The following ARFGAP2 variants were observed in gnomAD, a reference collection of about 807,000 sequenced individuals.
ARFGAP2 encodes the protein ADP-ribosylation factor GTPase-activating protein 2.
Under a neutral mutation model 71.9 loss-of-function variants are expected in ARFGAP2, and 45 were observed. The observed-to-expected ratio is 0.63, with a 90% CI of 0.49 to 0.80. ARFGAP2 has a LOEUF of 0.80. ARFGAP2 is among the 30% of genes least tolerant of loss of function. The pLI is 0.00. For missense variants in ARFGAP2, 633 were observed against 673.9 expected (o/e 0.94, Z 0.67); for synonymous variants, 248 against 249.2 (o/e 1.00, Z 0.05).
chr11:47,171,340 C>T, intron 10 of ARFGAP2, 86 bp downstream of exon 10: 3 of 1,570,558 alleles, frequency 1.9e-6, no homozygotes, highest in Non-Finnish European at 2.6e-6. Flanking sequence ...AACAATAAGC[C>T]TAGCATCCCA....
Position 47,165,219 on chromosome 11 carries a change from G to A in ARFGAP2, c.*263C>T. 1 of 398,150 alleles carries A rather than the reference G, an allele frequency of 2.5e-6. No individual in the cohort carries two copies. Among genetic ancestry groups the A allele is most frequent in the Non-Finnish European group, 4.4e-6 (1 of 226,110 alleles). The allele number at this position is 398,150 out of a possible 1,614,324, so 24.7% of individuals were successfully genotyped here. ...GCAGGATAAGTGAGCAGCAGCTGTGGGGGCAGGACAGAAGGACAAGAGTCT... is the reference window on the plus strand; with the variant it reads ...GCAGGATAAGTGAGCAGCAGCTGTGAGGGCAGGACAGAAGGACAAGAGTCT... On this transcript the variant is annotated 3_prime_UTR_variant, in exon 16 of 16. Coordinates refer to ENST00000524782, the MANE Select transcript of ARFGAP2 (RefSeq NM_032389.6).
intron 15 of ARFGAP2, among the ~76,000 whole-genome samples, chr11:47,165,860 C>T (rs1373124431): frequency 3.9e-5 from 6 of 151,942 alleles, no homozygotes; most frequent in African/African-American, 1.4e-4. Context: ...TCTCTAGACT[C>T]TTGCTTTTTC....
At chr11:47,176,472 C>A (rs369603428) in intron 2 of ARFGAP2, 44 bp downstream of exon 2, 35 of 1,584,052 alleles carry the variant, frequency 2.2e-5, no homozygotes, top group Non-Finnish European at 3.0e-5. Context: ...CCAGACACCC[C>A]TGGCCGGCCG....
intron 8 of ARFGAP2, 193 bp downstream of exon 8, chr11:47,172,088 C>A (rs1398422149): frequency 9.5e-6 from 7 of 736,856 alleles, no homozygotes; most frequent in Non-Finnish European, 1.6e-5. Context: ...ATCTCACCGA[C>A]TCCTCCCAGC....
In ARFGAP2 at chr11:47,166,301, A is replaced by G; in HGVS notation, c.1512T>C (p.Ala504=). 1 of 1,614,228 alleles carries G rather than the reference A, an allele frequency of 6.2e-7. No individual in the cohort carries two copies. Among genetic ancestry groups the G allele is most frequent in the South Asian group, 1.1e-5 (1 of 91,086 alleles). The change falls in exon 15 of 16, where the codon GCT becomes GCC. Residue 504 remains alanine, a synonymous_variant. Transcript: ENST00000524782. The stretch of plus-strand genomic sequence containing the variant: ...AATTCATCACACCATTGGCCAGCAC[A>G]GCCATTTTCCCAGCCACAGACTTGA... ...QGVKSVAGKM[A]VLANGVMNSL...
intron 10 of ARFGAP2, chr11:47,168,466 T>C (rs1952475690): frequency 3.7e-6 from 2 of 535,372 alleles, no homozygotes; most frequent in Admixed American, 6.8e-5. Flanking sequence ...CACATCAGCT[T>C]TGTTTATTCC....
At chr11:47,168,093 G>A (rs1172503195) in intron 11 of ARFGAP2, 30 bp downstream of exon 11, 17 of 1,614,054 alleles carry the variant, frequency 1.1e-5, no homozygotes, top group Non-Finnish European at 1.4e-5. Context: ...GAACACAGCA[G>A]CCAAGTTTAC....
intron 8 of ARFGAP2, 121 bp downstream of exon 8, chr11:47,172,160 C>A (rs930970483): frequency 7.9e-6 from 8 of 1,015,100 alleles, no homozygotes; most frequent in Non-Finnish European, 1.2e-5. Flanking sequence ...AGGCGAGGTT[C>A]GGAGAAACAC....
chr11:47,172,784 G>A (rs1952654776), intron 7 of ARFGAP2: 1 of 1,291,342 alleles, frequency 7.7e-7, no homozygotes, highest in Non-Finnish European at 1.0e-6. Context: ...GCTAACAAGA[G>A]GCCCACCCCA....
intron 3 of ARFGAP2, 71 bp from the exon 4 acceptor site, chr11:47,175,384 GAC>G: frequency 6.2e-7 from 1 of 1,606,138 alleles, no homozygotes; most frequent in Non-Finnish European, 8.5e-7. Flanking sequence ...GGCTGTAGGA[GAC>G]ATCTCCTTAT....
In ARFGAP2 at chr11:47,173,817, G is replaced by A; in HGVS notation, c.504C>T (p.Ala168=). ...HTQPPAWDAP[A]TEPSGTQQPA... ...GCTGCTGGGTCCCTGAAGGCTCAGTGGCTGGCGCATCCCAGGCAGGGGGCT... is the reference window on the plus strand; with the variant it reads ...GCTGCTGGGTCCCTGAAGGCTCAGTAGCTGGCGCATCCCAGGCAGGGGGCT... Residue 168 remains alanine (A), a synonymous_variant, in exon 6 of 16, where the codon GCC becomes GCT. Transcript: ENST00000524782. The A allele has an allele frequency of 6.2e-7, 1 of 1,603,350 alleles. No homozygotes were observed. The highest frequency in any genetic ancestry group is 8.5e-7 in the Non-Finnish European group (1 of 1,175,268).
At chr11:47,172,181 C>A in intron 8 of ARFGAP2, 100 bp downstream of exon 8, 1 of 1,227,976 alleles carries the variant, frequency 8.1e-7, no homozygotes. Context: ...AGTACCTTTG[C>A]CAAAGTCATA....
In ARFGAP2 at chr11:47,176,595, T is replaced by C. The variant is rs538517887; in HGVS notation, c.112A>G (p.Ser38Gly). The C allele has an allele frequency of 1.9e-6, 3 of 1,614,098 alleles. No homozygotes were observed. In the African/African-American group the frequency reaches 4.0e-5, roughly 22 times the overall value. ...DCGAKNPSWASITYGVFLCID... is the reference protein window; with the variant it reads ...DCGAKNPSWAGITYGVFLCID... Reference sequence around the variant, plus strand: ...CACAAGAAAACACCGTACGTGATGCTGGCCCAACTCGGATTCTTGGCGCCG... The same window carrying C: ...CACAAGAAAACACCGTACGTGATGCCGGCCCAACTCGGATTCTTGGCGCCG... The change falls in exon 2 of 16, where the codon AGC (serine) becomes GGC (glycine). Residue 38 changes from serine to glycine, a missense_variant. Physicochemically the swap from Ser to Gly is moderately conservative, Grantham distance 56 (BLOSUM62 0). Transcript: ENST00000524782.
At chr11:47,175,384 G>A in intron 3 of ARFGAP2, 71 bp from the exon 4 acceptor site, 1 of 1,606,138 alleles carries the variant, frequency 6.2e-7, no homozygotes, top group Non-Finnish European at 8.5e-7. Flanking sequence ...GGCTGTAGGA[G>A]ACATCTCCTT....
rs1952364335 is a variant in ARFGAP2 at position 47,166,131 on chromosome 11, G to A, written c.1545+137C>T. The A allele has an allele frequency of 4.8e-6, 4 of 826,844 alleles. No individual in the cohort carries two copies. The East Asian group carries it at 9.9e-5, about 20-fold the overall frequency. The allele number at this position is 826,844 out of a possible 1,614,324, so 51.2% of individuals were successfully genotyped here. A position where few individuals can be genotyped will look rare whatever the true frequency, so the allele number is the denominator to read the frequency against. On this transcript the variant is annotated intron_variant, in intron 15 of 15. Transcript: ENST00000524782. ...CACCCATCTCAGCCTCCCAGTGCTG[G>A]GATTACAGGCGTGAGCCACCACACC...
intron 2 of ARFGAP2, chr11:47,176,136 G>A (rs917698901): frequency 4.0e-5 from 24 of 606,766 alleles, no homozygotes; most frequent in South Asian, 1.0e-4. Context: ...AGATCCGAAA[G>A]GAGGTCACAT....
intron 5 of ARFGAP2, 114 bp downstream of exon 5, chr11:47,174,901 C>T (rs990867554): frequency 3.5e-6 from 4 of 1,152,188 alleles, no homozygotes; most frequent in African/African-American, 1.5e-5. Flanking sequence ...TACGTGGTGT[C>T]CAAGACATCA....
At position 47,176,506 on chromosome 11, in the gene ARFGAP2, G is replaced by A. The variant is rs377742588; in HGVS notation, c.191+10C>T. On this transcript the variant is annotated intron_variant, in intron 2 of 15. Coordinates refer to ENST00000524782, the MANE Select transcript of ARFGAP2 (RefSeq NM_032389.6). ...CGGGTGGAAACACGGCAACCGCGCGGAGAGCCTACCTGATGAAGCTCAGAT... is the reference window on the plus strand; with the variant it reads ...CGGGTGGAAACACGGCAACCGCGCGAAGAGCCTACCTGATGAAGCTCAGAT... 1.2e-4 allele frequency: 187 copies of A among 1,612,226 alleles called. No individual in the cohort carries two copies. Among genetic ancestry groups the A allele is most frequent in the Non-Finnish European group, 1.5e-4 (182 of 1,179,412 alleles).
At chr11:47,176,748 G>A in intron 1 of ARFGAP2, 34 bp downstream of exon 1, 4 of 1,613,642 alleles carry the variant, frequency 2.5e-6, no homozygotes, top group Non-Finnish European at 3.4e-6. Flanking sequence ...GCCCCAGCGG[G>A]ACGAGAGACT....
Sources: allele counts gnomAD v4.1 joint callset (sites outside exome capture counted in the v4.1 genomes callset), GRCh38; gene constraint gnomAD v4.1.1; transcripts MANE v1.5; gene names NCBI Gene and HGNC (gene_info 2026-07-23, HGNC 2026-07-21).